The following GUCY1A2 variants were observed in gnomAD, a reference collection of about 807,000 sequenced individuals.
The protein encoded by GUCY1A2 is guanylate cyclase 1 soluble subunit alpha 2.
In GUCY1A2, 27 loss-of-function variants were observed where a neutral mutation model predicts 63.5. That is an observed-to-expected ratio of 0.43 (90% CI 0.31 to 0.59). The LOEUF (loss-of-function observed/expected upper bound fraction) is 0.59. Among genes scored for constraint, GUCY1A2 ranks in the 20% least tolerant of loss-of-function variants. The probability of loss-of-function intolerance (pLI) is 0.11; values close to 1 mark genes in which losing one functional copy is unlikely to be tolerated. For synonymous variants in GUCY1A2, 364 were observed against 343.5 expected, an observed-to-expected ratio of 1.06 and a Z score of -0.66; for missense variants, 768 against 913.3, an observed-to-expected ratio of 0.84 and a Z score of 2.05.
At chr11:106,973,133 GTC>G (rs142789039) in intron 3 of GUCY1A2, among the ~76,000 whole-genome samples, 2 of 152,192 alleles carry the variant, frequency 1.3e-5, no homozygotes, top group East Asian at 3.9e-4. Flanking sequence ...ACTACCTAAA[GTC>G]TCTGTTTAGG....
chr11:106,906,412 A>G (rs1286264815), intron 4 of GUCY1A2, among the ~76,000 whole-genome samples: 2 of 152,180 alleles, frequency 1.3e-5, no homozygotes, highest in East Asian at 3.9e-4. Context: ...ACCAGTTAGA[A>G]TGGTGATCAT....
chr11:106,945,141 G>A (rs1488572993), intron 3 of GUCY1A2, among the ~76,000 whole-genome samples: 2 of 149,892 alleles, frequency 1.3e-5, no homozygotes, highest in African/African-American at 2.5e-5. Context: ...AGAATATCTG[G>A]TTGGATTCCT....
chr11:106,874,716 C>T (rs753876213), intron 4 of GUCY1A2, among the ~76,000 whole-genome samples: 11 of 151,948 alleles, frequency 7.2e-5, no homozygotes, highest in Non-Finnish European at 1.3e-4. Flanking sequence ...CAGAACTACT[C>T]TCTCTGCCTC....
intron 4 of GUCY1A2, among the ~76,000 whole-genome samples, chr11:106,898,017 A>AT (rs1156698959): frequency 6.6e-6 from 1 of 152,196 alleles, no homozygotes; most frequent in African/African-American, 2.4e-5. Context: ...AAACAACCCA[A>AT]TTAAAAAACA....
intron 6 of GUCY1A2, among the ~76,000 whole-genome samples, chr11:106,743,354 A>C (rs1464777473): frequency 6.6e-6 from 1 of 152,130 alleles, no homozygotes; most frequent in Non-Finnish European, 1.5e-5. Context: ...TATTAGCTCC[A>C]CCCACATATG....
At chr11:106,875,817 C>T (rs1311130353) in intron 4 of GUCY1A2, among the ~76,000 whole-genome samples, 1 of 151,970 alleles carries the variant, frequency 6.6e-6, no homozygotes, top group Admixed American at 6.6e-5. Flanking sequence ...TATTTTATAT[C>T]TTTTTTTATA....
intron 5 of GUCY1A2, among the ~76,000 whole-genome samples, chr11:106,787,587 A>AGGAAGGGGAGG (rs1565289880): frequency 0.029 from 2 of 70 alleles, 1 homozygote; most frequent in Non-Finnish European, 0.04. Flanking sequence ...GGAAAGAAAA[A>AGGAAGGGGAGG]GGAAGGGAAG....
intron 6 of GUCY1A2, among the ~76,000 whole-genome samples, chr11:106,768,403 A>G (rs1382279765): frequency 6.6e-6 from 1 of 152,172 alleles, no homozygotes; most frequent in East Asian, 1.9e-4. Flanking sequence ...TCTAACATAC[A>G]TTTAAATTTA....
At chr11:106,845,939 T>C (rs917122962) in intron 4 of GUCY1A2, among the ~76,000 whole-genome samples, 2 of 151,596 alleles carry the variant, frequency 1.3e-5, no homozygotes, top group African/African-American at 4.8e-5. Flanking sequence ...TAATTTAAGA[T>C]AACATTACAA....
chr11:107,010,645 TACC>T (rs1379639145), intron 1 of GUCY1A2, among the ~76,000 whole-genome samples: 3 of 151,872 alleles, frequency 2.0e-5, no homozygotes, highest in Non-Finnish European at 4.4e-5. Context: ...GAACTAAATA[TACC>T]ACCAAAAAAA....
intron 4 of GUCY1A2, among the ~76,000 whole-genome samples, chr11:106,834,733 A>G (rs1465608261): frequency 2.0e-5 from 3 of 152,070 alleles, no homozygotes; most frequent in Non-Finnish European, 2.9e-5. Context: ...ACGTTGAGCT[A>G]AAAGCTTAAC....
chr11:106,735,689 G>T (rs1478404977), intron 6 of GUCY1A2, among the ~76,000 whole-genome samples: 1 of 151,992 alleles, frequency 6.6e-6, no homozygotes, highest in Non-Finnish European at 1.5e-5. Context: ...TTTATTTTTA[G>T]ATTTTTGGGG....
chr11:106,997,443 A>G (rs80267707), intron 1 of GUCY1A2, among the ~76,000 whole-genome samples: 3,081 of 152,264 alleles, frequency 0.02, 106 homozygotes, highest in African/African-American at 0.07. Flanking sequence ...CTAGAGGCAG[A>G]ATCCTGAGGA....
chr11:106,702,413 G>C (rs1862831487), intron 7 of GUCY1A2, among the ~76,000 whole-genome samples: 1 of 152,092 alleles, frequency 6.6e-6, no homozygotes, highest in Non-Finnish European at 1.5e-5. Flanking sequence ...ATAACTTCTT[G>C]AGTTTTGTAA....
At chr11:106,936,728 TTA>T in intron 4 of GUCY1A2, 1 of 1,456,442 alleles carries the variant, frequency 6.9e-7, no homozygotes, top group Non-Finnish European at 9.3e-7. Context: ...TTTTTTTTTT[TTA>T]TGGCAGACGT....
At chr11:106,746,705 T>G in intron 6 of GUCY1A2, 7 of 866,390 alleles carry the variant, frequency 8.1e-6, no homozygotes, top group African/African-American at 1.7e-5. Flanking sequence ...ATCAGTACTG[T>G]GACATTTTTT....
intron 6 of GUCY1A2, among the ~76,000 whole-genome samples, chr11:106,761,141 C>T (rs1397714128): frequency 6.6e-6 from 1 of 152,146 alleles, no homozygotes; most frequent in Non-Finnish European, 1.5e-5. Flanking sequence ...TCTTCATTAG[C>T]TTCCCTGGTG....
intron 3 of GUCY1A2, among the ~76,000 whole-genome samples, chr11:106,945,897 G>A (rs1221693905): frequency 6.6e-6 from 1 of 152,078 alleles, no homozygotes; most frequent in South Asian, 2.1e-4. Flanking sequence ...CCTGGGAGGC[G>A]GAGGTTGCAG....
chr11:106,790,894 C>T (rs1255877454), intron 5 of GUCY1A2, among the ~76,000 whole-genome samples: 1 of 152,160 alleles, frequency 6.6e-6, no homozygotes, highest in Non-Finnish European at 1.5e-5. Flanking sequence ...CCTCTCTTCT[C>T]CTTAAGCGAA....
Sources: gnomAD v4.1 joint callset for allele counts (sites outside exome capture counted in the v4.1 genomes callset) on GRCh38, gnomAD v4.1.1 for gene constraint, MANE v1.5 for transcripts, NCBI Gene and HGNC (gene_info 2026-07-23, HGNC 2026-07-21) for gene names.